Variants in CAPN2 observed in about 807,000 individuals in gnomAD.
The protein encoded by CAPN2 is calpain-2 catalytic subunit.
In CAPN2, 92 loss-of-function variants were observed where a neutral mutation model predicts 102.3. The observed-to-expected ratio is 0.90, with a 90% CI of 0.76 to 1.07. The LOEUF (loss-of-function observed/expected upper bound fraction) is 1.07. Among genes scored for constraint, CAPN2 ranks in the 50% least tolerant of loss-of-function variants. The pLI is 0.00. For missense variants in CAPN2, 800 were observed against 909.4 expected (o/e 0.88, Z 1.55); for synonymous variants, 340 against 355.4 (o/e 0.96, Z 0.49).
intron 2 of CAPN2, among the ~76,000 whole-genome samples, chr1:223,739,059 G>A (rs1660540996): frequency 6.6e-6 from 1 of 152,184 alleles, no homozygotes; most frequent in South Asian, 2.1e-4. Context: ...GAATGTATCG[G>A]GCACTCAGCT....
At chr1:223,764,866 G>A (rs972465079) in intron 15 of CAPN2, among the ~76,000 whole-genome samples, 2 of 152,206 alleles carry the variant, frequency 1.3e-5, no homozygotes, top group Non-Finnish European at 2.9e-5. Flanking sequence ...GGGATTACAG[G>A]TGTGAGCCAC....
At chr1:223,772,373 C>T in intron 20 of CAPN2, 134 bp downstream of exon 20, 1 of 677,086 alleles carries the variant, frequency 1.5e-6, no homozygotes, top group Non-Finnish European at 2.5e-6. Context: ...AGGCCTGTAA[C>T]CGGTTGTAAG....
intron 16 of CAPN2, 127 bp downstream of exon 16, chr1:223,766,558 T>C: frequency 1.3e-6 from 1 of 755,464 alleles, no homozygotes; most frequent in Non-Finnish European, 2.3e-6. Flanking sequence ...TGAGTTGCTG[T>C]CGGACAGTCA....
At chr1:223,722,460 G>A (rs1057356635) in intron 2 of CAPN2, among the ~76,000 whole-genome samples, 2 of 151,164 alleles carry the variant, frequency 1.3e-5, no homozygotes, top group Non-Finnish European at 3.0e-5. Flanking sequence ...GCTAATTTTT[G>A]TGTGTGTCTG....
Position 223,747,184 on chromosome 1 carries a change from C to G in CAPN2, c.729+19C>G. 6.3e-7 allele frequency: 1 copy of G among 1,598,306 alleles called. No individual in the cohort carries two copies. Among genetic ancestry groups the G allele is most frequent in the East Asian group, 2.2e-5 (1 of 44,484 alleles). On this transcript the variant is annotated intron_variant, in intron 5 of 20. Transcript: ENST00000295006. Reference sequence around the variant, plus strand: ...CATCGACGTAAGTCCAGGCTGCCTTCCCTAGCCTCACCCCATCTGCTCTTG... The same window carrying G: ...CATCGACGTAAGTCCAGGCTGCCTTGCCTAGCCTCACCCCATCTGCTCTTG...
chr1:223,708,833 G>A (rs1397425586), upstream of CAPN2, among the ~76,000 whole-genome samples: 1 of 150,442 alleles, frequency 6.6e-6, no homozygotes, highest in Non-Finnish European at 1.5e-5. Flanking sequence ...AGGGAAGAAG[G>A]GAGGGAGAAA....
At chr1:223,763,252 A>C (rs1661233148) in intron 14 of CAPN2, among the ~76,000 whole-genome samples, 1 of 151,456 alleles carries the variant, frequency 6.6e-6, no homozygotes, top group Non-Finnish European at 1.5e-5. Context: ...GGAACTTTCC[A>C]ATCATTGAGC....
intron 5 of CAPN2, among the ~76,000 whole-genome samples, chr1:223,748,319 T>C (rs1252362264): frequency 6.6e-6 from 1 of 152,172 alleles, no homozygotes; most frequent in Admixed American, 6.5e-5. Context: ...TAAGAAGCCC[T>C]GGCTTTTGGA....
chr1:223,771,651 G>T, intron 18 of CAPN2, 158 bp from the exon 19 acceptor site: 2 of 655,162 alleles, frequency 3.1e-6, no homozygotes. Flanking sequence ...AGAAGGTACT[G>T]GCTTTGCAAA....
chr1:223,720,021 AAC>A (rs1271578515), intron 2 of CAPN2, among the ~76,000 whole-genome samples: 4 of 152,164 alleles, frequency 2.6e-5, no homozygotes, highest in Non-Finnish European at 5.9e-5. Context: ...AAGCACCAGG[AAC>A]AGAGGCCATG....
intron 2 of CAPN2, among the ~76,000 whole-genome samples, chr1:223,743,624 C>T (rs186600539): frequency 1.3e-5 from 2 of 152,114 alleles, no homozygotes; most frequent in Non-Finnish European, 1.5e-5. Flanking sequence ...CCCAAGTATT[C>T]GTATTATAGC....
intron 2 of CAPN2, among the ~76,000 whole-genome samples, chr1:223,743,179 G>A (rs1214984983): frequency 2.6e-5 from 4 of 152,188 alleles, no homozygotes; most frequent in Non-Finnish European, 5.9e-5. Flanking sequence ...CATGTCATGG[G>A]GGAGGGTTCT....
rs373808822 is a variant in CAPN2 at position 223,775,278 on chromosome 1, G to GTT, written c.*423_*424dup. 2.0e-3 allele frequency: 343 copies of GTT among 168,792 alleles called. 2 individuals are homozygous for GTT. Among genetic ancestry groups the GTT allele is most frequent in the African/African-American group, 7.9e-3 (331 of 41,768 alleles). 10.5% of individuals were successfully genotyped at this position (168,792 alleles called of 1,614,324 possible). Reference sequence around the variant, plus strand: ...CAGGGAATATTTAAAGCAACTTCAAGTTTAAAATGCAGCTGTTGATTCTAC... The same window carrying GTT: ...CAGGGAATATTTAAAGCAACTTCAAGTTTTTAAAATGCAGCTGTTGATTCTAC... On this transcript the variant is annotated 3_prime_UTR_variant, in exon 21 of 21. Transcript: ENST00000295006.
In CAPN2 at chr1:223,756,311, A is replaced by G. The variant is rs934092207; in HGVS notation, c.1305+662A>G. On this transcript the variant is annotated intron_variant, in intron 10 of 20. Coordinates refer to ENST00000295006, the MANE Select transcript of CAPN2 (RefSeq NM_001748.5). This position sits in a 1 kb window ranked among gnomAD's most constrained non-coding sequence, Gnocchi z 4.1. ...TCCCCACTCCCTTCTGCAAAACAAG[A>G]AAGAGCTTTCGTGGGCTGCAGGTAG... Among the ~76,000 whole-genome samples, 3 of 152,200 alleles carry G rather than the reference A, an allele frequency of 2.0e-5. No individual in the cohort carries two copies. Among genetic ancestry groups the G allele is most frequent in the Non-Finnish European group, 4.4e-5 (3 of 68,028 alleles).
chr1:223,709,660 T>TAAAAAAAAAAAAAAAAAAA (rs1347758551), upstream of CAPN2, among the ~76,000 whole-genome samples: 1 of 110,988 alleles, frequency 9.0e-6, no homozygotes, highest in African/African-American at 4.1e-5. Flanking sequence ...AAACTCCATC[T>TAAAAAAAAAAAAAAAAAAA]CAAAAAAAAA....
chr1:223,746,986 C>A lies in CAPN2; in HGVS notation c.561-11C>A, dbSNP rs767224404. 1 of 1,609,972 alleles carries A rather than the reference C, an allele frequency of 6.2e-7. No homozygotes were observed. Among genetic ancestry groups the A allele is most frequent in the Admixed American group, 1.7e-5 (1 of 59,682 alleles). ...TCAAGGGTAGCGGCAGCGTCTAATC[C>A]CCTCTTGTAGGATCAACGGATGCTA... On this transcript the variant is annotated splice_polypyrimidine_tract_variant and intron_variant, in intron 4 of 20. Transcript: ENST00000295006.
chr1:223,709,138 A>T (rs1471994783), upstream of CAPN2, among the ~76,000 whole-genome samples: 1 of 152,106 alleles, frequency 6.6e-6, no homozygotes, highest in Non-Finnish European at 1.5e-5. Flanking sequence ...GTGACTTGGC[A>T]GGGACACTCC....
rs753591004 is a variant in CAPN2 at position 223,762,270 on chromosome 1, G to T, written c.1632+19G>T. On this transcript the variant is annotated intron_variant, in intron 14 of 20. Coordinates refer to ENST00000295006, the MANE Select transcript of CAPN2 (RefSeq NM_001748.5). ...AGGAGAGGTAAATGTTCCCAAAAAC[G>T]ATGTTATGCACTCTGGTTGATGCAA... The T allele has an allele frequency of 6.3e-7, 1 of 1,589,728 alleles. No individual in the cohort carries two copies. Among genetic ancestry groups the T allele is most frequent in the Non-Finnish European group, 8.6e-7 (1 of 1,157,818 alleles).
chr1:223,745,498 A>T (rs1310703201), intron 4 of CAPN2, 59 bp downstream of exon 4: 2 of 1,600,558 alleles, frequency 1.2e-6, no homozygotes, highest in African/African-American at 2.7e-5. Flanking sequence ...GATTCCAAAA[A>T]ATTCACTCAT....
Sources: allele counts gnomAD v4.1 joint callset (sites outside exome capture counted in the v4.1 genomes callset), GRCh38; gene constraint gnomAD v4.1.1; non-coding constraint Gnocchi (gnomAD v3.1); transcripts MANE v1.5; gene names NCBI Gene and HGNC (gene_info 2026-07-23, HGNC 2026-07-21).